The following MIB1 variants were observed in gnomAD, a reference collection of about 807,000 sequenced individuals.
MIB1 encodes the protein MIB E3 ubiquitin protein ligase 1.
In MIB1, 278 loss-of-function variants were observed where a neutral mutation model predicts 124.5. The observed-to-expected ratio is 2.23, with a 90% CI of 2.02 to 2.47. The LOEUF (loss-of-function observed/expected upper bound fraction) is 2.47. MIB1 is among the 30% of genes most tolerant of loss of function. The pLI, the probability that MIB1 is intolerant of heterozygous loss-of-function variation, is 0.00. For synonymous variants in MIB1, 446 were observed against 429.4 expected (o/e 1.04, Z -0.48); for missense variants, 957 against 1,254.4 (o/e 0.76, Z 3.58).
intron 1 of MIB1, among the ~76,000 whole-genome samples, chr18:21,749,456 A>T (rs924967772): frequency 6.6e-6 from 1 of 152,140 alleles, no homozygotes; most frequent in Non-Finnish European, 1.5e-5. Flanking sequence ...CTTTGTGTAT[A>T]CATACCTTTG....
At chr18:21,795,617 C>T (rs554683368) in intron 7 of MIB1, among the ~76,000 whole-genome samples, 1 of 151,040 alleles carries the variant, frequency 6.6e-6, no homozygotes, top group African/African-American at 2.4e-5. Context: ...AATTGTAAAA[C>T]GAAGTTAAAT....
chr18:21,783,462 C>CT (rs1188269209), intron 6 of MIB1, among the ~76,000 whole-genome samples: 3 of 152,046 alleles, frequency 2.0e-5, no homozygotes, highest in Non-Finnish European at 2.9e-5. Context: ...AGGCTGGTCT[C>CT]TAACTCCTGA....
At chr18:21,767,623 C>T (rs1341037345) in intron 2 of MIB1, among the ~76,000 whole-genome samples, 4 of 152,084 alleles carry the variant, frequency 2.6e-5, no homozygotes, top group Non-Finnish European at 5.9e-5. Context: ...TGTTGGCTCA[C>T]TGTAACCTCC....
chr18:21,798,369 C>A, intron 8 of MIB1, 141 bp downstream of exon 8: 2 of 830,030 alleles, frequency 2.4e-6, no homozygotes, highest in Non-Finnish European at 3.5e-6. Flanking sequence ...GAATGTTGAC[C>A]ACCTTTTAAA....
intron 5 of MIB1, 115 bp downstream of exon 5, chr18:21,778,284 A>G (rs779244560): frequency 1.9e-5 from 13 of 675,832 alleles, no homozygotes; most frequent in Non-Finnish European, 3.1e-5. Flanking sequence ...ACTTAGAGAA[A>G]AAATTTTTTG....
chr18:21,837,334 C>T (rs1356193290), intron 12 of MIB1, among the ~76,000 whole-genome samples: 1 of 152,162 alleles, frequency 6.6e-6, no homozygotes, highest in African/African-American at 2.4e-5. Context: ...CGGTGAAACC[C>T]CATCTCTACT....
intron 10 of MIB1, among the ~76,000 whole-genome samples, chr18:21,805,038 A>T (rs1598619640): frequency 6.6e-6 from 1 of 152,060 alleles, no homozygotes; most frequent in African/African-American, 2.4e-5. Flanking sequence ...TTTGAGGCAG[A>T]GTCTCACTCT....
intron 13 of MIB1, among the ~76,000 whole-genome samples, chr18:21,840,972 C>T (rs552905922): frequency 1.3e-5 from 2 of 152,206 alleles, no homozygotes; most frequent in African/African-American, 4.8e-5. Flanking sequence ...AACTAAACTT[C>T]TGCTCATCAA....
intron 3 of MIB1, among the ~76,000 whole-genome samples, chr18:21,770,652 C>T (rs894581522): frequency 2.0e-5 from 3 of 151,972 alleles, no homozygotes; most frequent in Admixed American, 6.6e-5. Context: ...TCTCACTATA[C>T]GTGTTAGTCT....
At chr18:21,746,942 T>G (rs1289079314) in intron 1 of MIB1, among the ~76,000 whole-genome samples, 1 of 152,140 alleles carries the variant, frequency 6.6e-6, no homozygotes, top group Non-Finnish European at 1.5e-5. Context: ...TGAAATGAAT[T>G]AATAATCCTC....
chr18:21,822,484 C>A (rs1278682625), intron 12 of MIB1, among the ~76,000 whole-genome samples: 8 of 152,144 alleles, frequency 5.3e-5, no homozygotes, highest in African/African-American at 1.9e-4. Context: ...TGCTTTTATT[C>A]TTTAACAAAG....
chr18:21,719,221 A>G (rs763733757), intron 1 of MIB1, among the ~76,000 whole-genome samples: 3 of 151,766 alleles, frequency 2.0e-5, no homozygotes, highest in Non-Finnish European at 4.4e-5. Flanking sequence ...CAGGCATGGT[A>G]GCTACTTAGG....
At chr18:21,840,174 C>T (rs1267482627) in intron 13 of MIB1, among the ~76,000 whole-genome samples, 1 of 152,054 alleles carries the variant, frequency 6.6e-6, no homozygotes, top group South Asian at 2.1e-4. Context: ...TAAACTTATT[C>T]TGGTATCTTC....
intron 11 of MIB1, among the ~76,000 whole-genome samples, chr18:21,819,123 G>A (rs919561240): frequency 2.0e-5 from 3 of 152,078 alleles, no homozygotes; most frequent in Non-Finnish European, 4.4e-5. Context: ...CTGGAGCCTT[G>A]AACTCCTGGG....
At chr18:21,730,950 C>T (rs2040766560) in intron 1 of MIB1, among the ~76,000 whole-genome samples, 1 of 152,210 alleles carries the variant, frequency 6.6e-6, no homozygotes, top group South Asian at 2.1e-4. Context: ...CTTTCCCCCT[C>T]TTTTGCCAAT....
intron 1 of MIB1, among the ~76,000 whole-genome samples, chr18:21,724,771 T>TAC (rs2040733560): frequency 9.1e-6 from 1 of 110,466 alleles, no homozygotes; most frequent in Non-Finnish European, 1.8e-5. Context: ...TATATATATA[T>TAC]ATTAGTCTAT....
chr18:21,832,167 A>C (rs1224909333), intron 12 of MIB1, among the ~76,000 whole-genome samples: 2 of 152,204 alleles, frequency 1.3e-5, no homozygotes, highest in Non-Finnish European at 2.9e-5. Flanking sequence ...AATTTTTTTT[A>C]TAATGCTTTG....
At chr18:21,734,962 T>G (rs1476176468) in intron 1 of MIB1, among the ~76,000 whole-genome samples, 1 of 152,274 alleles carries the variant, frequency 6.6e-6, no homozygotes, top group Non-Finnish European at 1.5e-5. Flanking sequence ...TTTTTCATAA[T>G]ACACATTTTC....
chr18:21,815,231 C>T (rs994789788), intron 10 of MIB1, among the ~76,000 whole-genome samples: 6 of 151,236 alleles, frequency 4.0e-5, no homozygotes, highest in Admixed American at 1.3e-4. Flanking sequence ...TGCAGTGGTG[C>T]GATCATAGCT....
Sources: allele counts gnomAD v4.1 joint callset (sites outside exome capture counted in the v4.1 genomes callset), GRCh38; gene constraint gnomAD v4.1.1; transcripts MANE v1.5; gene names NCBI Gene and HGNC (gene_info 2026-07-23, HGNC 2026-07-21).